G3BP2: variants seen among roughly 807,000 people sequenced by gnomAD.
G3BP2 encodes the protein ras GTPase-activating protein-binding protein 2.
G3BP2 carries 11 observed loss-of-function variants against 56.7 expected under a neutral mutation model. That is an observed-to-expected ratio of 0.19 (90% CI 0.12 to 0.32). G3BP2 has a LOEUF of 0.32. Ranked by LOEUF, G3BP2 falls within the 10% of genes least tolerant of loss-of-function variation. The pLI is 1.00. For missense variants in G3BP2, 340 were observed against 610.9 expected (o/e 0.56, Z 4.67); for synonymous variants, 165 against 191.6 (o/e 0.86, Z 1.15).
At chr4:75,711,802 T>C (rs1043880955) in intron 3 of G3BP2, among the ~76,000 whole-genome samples, 26 of 152,150 alleles carry the variant, frequency 1.7e-4, no homozygotes, top group African/African-American at 4.8e-4. Flanking sequence ...GGGATGAAAT[T>C]CAGGCTCGGG....
chr4:75,669,922 T>C (rs1406479088), intron 1 of G3BP2, among the ~76,000 whole-genome samples: 2 of 152,034 alleles, frequency 1.3e-5, no homozygotes, highest in Non-Finnish European at 2.9e-5. Flanking sequence ...GCAAAACCCA[T>C]CTCTACTAAA....
At chr4:75,665,802 TA>T (rs1732993743) in intron 1 of G3BP2, among the ~76,000 whole-genome samples, 1 of 152,188 alleles carries the variant, frequency 6.6e-6, no homozygotes, top group Non-Finnish European at 1.5e-5. Flanking sequence ...TTTAACACCA[TA>T]AAAACTGATG....
At position 75,643,316 on chromosome 4, in the gene G3BP2, TGGAAACAG is replaced by T. The variant is rs1730996325; in HGVS notation, c.*2106_*2113del. On this transcript the variant is annotated 3_prime_UTR_variant, in exon 12 of 12. Transcript: ENST00000359707. ...GAAATTATATATATATATATATATA[TGGAAACAG>T]AAATACAAGAAAATATGCTTGGGGG... 1 of 134,974 alleles carries T rather than the reference TGGAAACAG, an allele frequency of 7.4e-6. No individual in the cohort carries two copies. Among genetic ancestry groups the T allele is most frequent in the African/African-American group, 2.8e-5 (1 of 36,360 alleles). The allele number at this position is 134,974 out of a possible 1,614,324, so 8.4% of individuals were successfully genotyped here. A position where few individuals can be genotyped will look rare whatever the true frequency, so the allele number is the denominator to read the frequency against.
At position 75,690,620 on chromosome 4, in the gene G3BP2, G is replaced by A. The variant is rs535074349; in HGVS notation, c.-24-28571C>T. ...CTTTTCTCACTCTGTCGCCCCCACTGGAGTACAGTGGCGCCATCTCAGCTC... is the reference window on the plus strand; with the variant it reads ...CTTTTCTCACTCTGTCGCCCCCACTAGAGTACAGTGGCGCCATCTCAGCTC... On this transcript the variant is annotated intron_variant, in intron 3 of 3. Transcript: ENST00000499709. Among the ~76,000 whole-genome samples the A allele has an allele frequency of 1.2e-4, 19 of 152,246 alleles. No homozygotes were observed. In the East Asian group the frequency reaches 1.3e-3, roughly 11 times the overall value.
At chr4:75,708,786 C>T (rs1348102930) in intron 3 of G3BP2, among the ~76,000 whole-genome samples, 1 of 151,818 alleles carries the variant, frequency 6.6e-6, no homozygotes, top group African/African-American at 2.4e-5. Flanking sequence ...GCCTGGGCAG[C>T]AGAGTGAGAC....
intron 3 of G3BP2, 48 bp downstream of exon 3, chr4:75,658,795 T>A (rs760208502): frequency 8.8e-7 from 1 of 1,131,728 alleles, no homozygotes; most frequent in Admixed American, 1.7e-5. Context: ...TTTTAAAATC[T>A]CCATCTTAAC....
upstream of G3BP2, among the ~76,000 whole-genome samples, chr4:75,674,708 ATATATATATATTTTTTTT>A: frequency 2.3e-5 from 1 of 44,236 alleles, no homozygotes; most frequent in East Asian, 9.8e-4. Flanking sequence ...ATATATATAT[ATATATATATATTTTTTTT>A]TTTTTTTTTT....
In G3BP2 at chr4:75,643,963, G is replaced by A. The variant is rs1731045023; in HGVS notation, c.*1467C>T. The A allele has an allele frequency of 6.6e-6, 1 of 152,590 alleles. No individual in the cohort carries two copies. The highest frequency in any genetic ancestry group is 6.5e-5 in the Admixed American group (1 of 15,282). The allele number at this position is 152,590 out of a possible 1,614,324, so 9.5% of individuals were successfully genotyped here. A position where few individuals can be genotyped will look rare whatever the true frequency, so the allele number is the denominator to read the frequency against. ...CTCACAGAATTGTTTAAAGATTCAT[G>A]TAAAAATAAAAGATGTCGTCCCAGA... On this transcript the variant is annotated 3_prime_UTR_variant, in exon 12 of 12. Transcript: ENST00000359707.
Position 75,645,382 on chromosome 4 carries a change from AC to A in G3BP2, c.*47del. On this transcript the variant is annotated 3_prime_UTR_variant, in exon 12 of 12. Coordinates refer to ENST00000359707, the MANE Select transcript of G3BP2 (RefSeq NM_203505.3). ...AAAAAAAAAATTAACAAGAATGCAA[AC>A]ACGATGAATAATGTACCACTGCCAA... The A allele has an allele frequency of 6.5e-7, 1 of 1,538,782 alleles. No homozygotes were observed.
At position 75,644,693 on chromosome 4, in the gene G3BP2, A is replaced by G. The variant is rs1731086040; in HGVS notation, c.*737T>C. ...GCAGGTAGAAAAATCTTAGATATGG[A>G]GCTACTAAATCTGGTCTAATAGTCA... is the stretch of plus-strand genomic sequence containing the variant. On this transcript the variant is annotated 3_prime_UTR_variant, in exon 12 of 12. Transcript: ENST00000359707. 1.3e-5 allele frequency: 2 copies of G among 152,654 alleles called. No individual in the cohort carries two copies. The allele number at this position is 152,654 out of a possible 1,614,324, so 9.5% of individuals were successfully genotyped here.
chr4:75,687,389 T>C (rs944504873), intron 3 of G3BP2, among the ~76,000 whole-genome samples: 1 of 152,200 alleles, frequency 6.6e-6, no homozygotes, highest in Admixed American at 6.5e-5. Flanking sequence ...TCCACCATGA[T>C]TGTGAGACCT....
chr4:75,676,390 T>G (rs138705971), upstream of G3BP2, among the ~76,000 whole-genome samples: 30 of 143,252 alleles, frequency 2.1e-4, no homozygotes, highest in East Asian at 6.3e-3. Flanking sequence ...TCATCCAGGC[T>G]GGAGTGCAAT....
upstream of G3BP2, chr4:75,673,421 C>T (rs1733679262): frequency 1.1e-5 from 13 of 1,232,186 alleles, no homozygotes; most frequent in South Asian, 3.3e-4. Context: ...GTCCCGCCCC[C>T]TTTGCCACCG....
At chr4:75,720,666 T>A (rs1218536048) in intron 3 of G3BP2, among the ~76,000 whole-genome samples, 1 of 149,692 alleles carries the variant, frequency 6.7e-6, no homozygotes, top group African/African-American at 2.5e-5. Context: ...CATGGTGGCA[T>A]GTGCCTCTAT....
At chr4:75,651,357 CA>C (rs1266586228) in intron 8 of G3BP2, among the ~76,000 whole-genome samples, 3 of 152,192 alleles carry the variant, frequency 2.0e-5, no homozygotes, top group Non-Finnish European at 4.4e-5. Flanking sequence ...AACAGATTAT[CA>C]AAACACGAGT....
At chr4:75,712,633 T>C (rs2149110644) in intron 3 of G3BP2, among the ~76,000 whole-genome samples, 1 of 152,252 alleles carries the variant, frequency 6.6e-6, no homozygotes, top group Admixed American at 6.6e-5. Flanking sequence ...CTGAGTATTT[T>C]CCCCTCCTAG....
rs1260574841 is a variant in G3BP2, at chr4:75,645,341, G to C, written c.*89C>G. The C allele has an allele frequency of 1.7e-6, 2 of 1,205,384 alleles. No individual in the cohort carries two copies. The highest frequency in any genetic ancestry group is 2.4e-5 in the East Asian group (1 of 42,358). 74.7% of individuals were successfully genotyped at this position (1,205,384 alleles called of 1,614,324 possible). On this transcript the variant is annotated 3_prime_UTR_variant, in exon 12 of 12. Transcript: ENST00000359707. The stretch of plus-strand genomic sequence containing the variant: ...TCAAAGAAATGATCAAAAAGGCTGT[G>C]TCACATTCCAAAGCCAAAAAAAAAA...
chr4:75,717,789 C>T (rs1719985460), intron 3 of G3BP2, among the ~76,000 whole-genome samples: 1 of 152,124 alleles, frequency 6.6e-6, no homozygotes. Flanking sequence ...AAATTCTCCA[C>T]AAGAAACAGT....
At chr4:75,696,522 C>A (rs532446609) in intron 3 of G3BP2, among the ~76,000 whole-genome samples, 91 of 152,266 alleles carry the variant, frequency 6.0e-4, no homozygotes, top group African/African-American at 2.1e-3. Context: ...TCATGGTGTC[C>A]ATGGTTTTGA....
Sources: gnomAD v4.1 joint callset for allele counts (sites outside exome capture counted in the v4.1 genomes callset) on GRCh38, gnomAD v4.1.1 for gene constraint, MANE v1.5 for transcripts, NCBI Gene and HGNC (gene_info 2026-07-23, HGNC 2026-07-21) for gene names.